The following NTRK2 variants were observed in gnomAD, a reference collection of about 807,000 sequenced individuals.
The protein encoded by NTRK2 is BDNF/NT-3 growth factors receptor.
A neutral mutation model predicts 94.5 loss-of-function variants in NTRK2; 13 were observed. That is an observed-to-expected ratio of 0.14 (90% CI 0.09 to 0.22). The LOEUF (loss-of-function observed/expected upper bound fraction) is 0.22, where lower values mean the gene tolerates loss of function less well. Among genes scored for constraint, NTRK2 ranks in the 10% least tolerant of loss-of-function variants. The pLI, the probability that NTRK2 is intolerant of heterozygous loss-of-function variation, is 1.00. For missense variants in NTRK2, 639 were observed against 1,071.2 expected (o/e 0.60, Z 5.63); for synonymous variants, 372 against 407.4 (o/e 0.91, Z 1.05).
chr9:84,998,559 C>T (rs1052068315), intron 17 of NTRK2, among the ~76,000 whole-genome samples: 10 of 152,220 alleles, frequency 6.6e-5, no homozygotes, highest in South Asian at 2.1e-4. Context: ...TTTGCCTCCA[C>T]GGCCAAGGGG....
intron 12 of NTRK2, among the ~76,000 whole-genome samples, chr9:84,829,310 T>G (rs186733941): frequency 7.2e-5 from 11 of 152,296 alleles, no homozygotes; most frequent in Admixed American, 4.6e-4. Flanking sequence ...AGAGATCAAT[T>G]TTCACATGAA....
chr9:84,770,153 A>AACACACACACAC (rs35363257), intron 12 of NTRK2, among the ~76,000 whole-genome samples: 2,660 of 136,966 alleles, frequency 0.019, 48 homozygotes, highest in South Asian at 0.055. Context: ...TGTGCATGAG[A>AACACACACACAC]ACACACACAC....
At chr9:84,788,210 C>T (rs539054220) in intron 12 of NTRK2, among the ~76,000 whole-genome samples, 1 of 152,028 alleles carries the variant, frequency 6.6e-6, no homozygotes, top group South Asian at 2.1e-4. Context: ...CAAAGTGACT[C>T]ATGGAGAATA....
intron 12 of NTRK2, chr9:84,810,815 T>C (rs1321516962): frequency 7.3e-7 from 1 of 1,363,280 alleles, no homozygotes; most frequent in African/African-American, 1.5e-5. Context: ...AAGCAGCACC[T>C]CAAGAAAACA....
intron 12 of NTRK2, among the ~76,000 whole-genome samples, chr9:84,779,886 A>G (rs2067398981): frequency 2.0e-5 from 3 of 152,192 alleles, no homozygotes; most frequent in African/African-American, 4.8e-5. Context: ...ACTTCTGATA[A>G]GAGTAAACAA....
intron 9 of NTRK2, among the ~76,000 whole-genome samples, chr9:84,731,886 G>A (rs2062918452): frequency 6.6e-6 from 1 of 152,148 alleles, no homozygotes; most frequent in South Asian, 2.1e-4. Context: ...GGCTAATGTG[G>A]AAGGACAGGT....
At chr9:84,818,168 C>T (rs1326110665) in intron 12 of NTRK2, among the ~76,000 whole-genome samples, 1 of 152,096 alleles carries the variant, frequency 6.6e-6, no homozygotes, top group Admixed American at 6.5e-5. Context: ...AGGAATGGAG[C>T]CATGAGGGAC....
At chr9:84,891,233 CT>C (rs200765574) in intron 14 of NTRK2, among the ~76,000 whole-genome samples, 1 of 151,272 alleles carries the variant, frequency 6.6e-6, no homozygotes, top group Non-Finnish European at 1.5e-5. Flanking sequence ...GATGGTCAAG[CT>C]TTTTTTTAAA....
At chr9:84,987,523 A>G (rs926497223) in intron 17 of NTRK2, among the ~76,000 whole-genome samples, 1 of 152,158 alleles carries the variant, frequency 6.6e-6, no homozygotes, top group Non-Finnish European at 1.5e-5. Context: ...TTTACGAAAA[A>G]TTTAAAGTTT....
intron 17 of NTRK2, among the ~76,000 whole-genome samples, chr9:84,966,852 G>C (rs1299968349): frequency 6.6e-6 from 1 of 152,186 alleles, no homozygotes; most frequent in Non-Finnish European, 1.5e-5. Context: ...TAGTTATCAA[G>C]CTTCTAAAGG....
At chr9:84,701,465 C>T (rs1245911956) in intron 2 of NTRK2, among the ~76,000 whole-genome samples, 1 of 152,154 alleles carries the variant, frequency 6.6e-6, no homozygotes, top group African/African-American at 2.4e-5. Flanking sequence ...CATCTCTAAG[C>T]CCACCAATGT....
At chr9:84,841,406 C>T (rs920525063) in intron 12 of NTRK2, among the ~76,000 whole-genome samples, 5 of 152,310 alleles carry the variant, frequency 3.3e-5, no homozygotes, top group African/African-American at 1.2e-4. Context: ...TATATTAGCT[C>T]TGCCTTCAAA....
At chr9:84,730,522 C>T (rs1451625330) in intron 9 of NTRK2, among the ~76,000 whole-genome samples, 10 of 130,116 alleles carry the variant, frequency 7.7e-5, no homozygotes, top group African/African-American at 1.1e-4. Context: ...GGGCGGATCA[C>T]GAGGTCAGGA....
At chr9:84,936,183 G>T (rs1452845583) in intron 15 of NTRK2, among the ~76,000 whole-genome samples, 2 of 152,170 alleles carry the variant, frequency 1.3e-5, no homozygotes, top group African/African-American at 4.8e-5. Context: ...TAGAGATAGA[G>T]CCAACAGATT....
chr9:84,821,736 T>A (rs950443387), intron 12 of NTRK2, among the ~76,000 whole-genome samples: 2 of 152,074 alleles, frequency 1.3e-5, no homozygotes, highest in Non-Finnish European at 2.9e-5. Flanking sequence ...CTCCTTTTTT[T>A]ATTTTGCTGT....
chr9:85,013,213 T>C (rs1007759918), intron 17 of NTRK2, among the ~76,000 whole-genome samples: 2 of 152,168 alleles, frequency 1.3e-5, no homozygotes, highest in African/African-American at 4.8e-5. Flanking sequence ...TATCACTCTT[T>C]GTAGTAGGAG....
At chr9:84,856,672 G>C (rs2075081942) in intron 12 of NTRK2, among the ~76,000 whole-genome samples, 2 of 152,146 alleles carry the variant, frequency 1.3e-5, no homozygotes, top group African/African-American at 4.8e-5. Context: ...TAAGAAGTTG[G>C]AGGTGAAGTC....
At chr9:84,949,484 T>C (rs1452850640) in intron 16 of NTRK2, among the ~76,000 whole-genome samples, 2 of 142,582 alleles carry the variant, frequency 1.4e-5, no homozygotes, top group African/African-American at 5.1e-5. Context: ...ATTTATTTAT[T>C]TGAGACAGAG....
At chr9:85,002,128 G>A (rs998113878) in intron 17 of NTRK2, among the ~76,000 whole-genome samples, 10 of 152,094 alleles carry the variant, frequency 6.6e-5, no homozygotes, top group African/African-American at 2.4e-4. Flanking sequence ...TATTCCCCTT[G>A]CAGTACTGCC....
Sources: allele counts gnomAD v4.1 joint callset (sites outside exome capture counted in the v4.1 genomes callset), GRCh38; gene constraint gnomAD v4.1.1; transcripts MANE v1.5; gene names NCBI Gene and HGNC (gene_info 2026-07-23, HGNC 2026-07-21).